Variants in PIP4K2A observed in about 807,000 individuals in gnomAD.
The protein encoded by PIP4K2A is phosphatidylinositol 5-phosphate 4-kinase type-2 alpha.
A neutral mutation model predicts 42.9 loss-of-function variants in PIP4K2A; 14 were observed. The observed-to-expected ratio is 0.33, with a 90% CI of 0.22 to 0.51. PIP4K2A has a LOEUF of 0.51. Among genes scored for constraint, PIP4K2A ranks in the 20% least tolerant of loss-of-function variants. The probability of loss-of-function intolerance (pLI) is 0.97; values close to 1 mark genes in which losing one functional copy is unlikely to be tolerated. For missense variants in PIP4K2A, 434 were observed against 519.8 expected, an observed-to-expected ratio of 0.83 and a Z score of 1.61; for synonymous variants, 192 against 192.2, an observed-to-expected ratio of 1.00 and a Z score of 0.01.
Position 22,630,971 on chromosome 10 carries a change from A to C in PIP4K2A, c.145-21254T>G, listed in dbSNP as rs559032157. ...TACTAATGGACAGGAACATGGCAAC[A>C]GGGACAAGAGAGTAGGTAGGAACTA... On this transcript the variant is annotated intron_variant, in intron 1 of 9. Transcript: ENST00000376573. Among the ~76,000 whole-genome samples, 29 of 152,328 alleles carry C rather than the reference A, an allele frequency of 1.9e-4. No individual in the cohort carries two copies. The South Asian group carries it at 4.4e-3, about 23-fold the overall frequency.
chr10:22,657,935 T>G (rs369249037), intron 1 of PIP4K2A, among the ~76,000 whole-genome samples: 1 of 152,246 alleles, frequency 6.6e-6, no homozygotes, highest in South Asian at 2.1e-4. Context: ...GAAATCATTT[T>G]TTAGCTGGAC....
chr10:22,652,668 T>C (rs950377956), intron 1 of PIP4K2A, among the ~76,000 whole-genome samples: 8 of 152,258 alleles, frequency 5.3e-5, no homozygotes, highest in Admixed American at 3.9e-4. Flanking sequence ...TCTGTCACTG[T>C]GTGGTAAATT....
intron 7 of PIP4K2A, among the ~76,000 whole-genome samples, chr10:22,544,205 T>C (rs1024079479): frequency 6.6e-6 from 1 of 152,062 alleles, no homozygotes; most frequent in African/African-American, 2.4e-5. Flanking sequence ...ACTGCTGTGA[T>C]CATGGAACCT....
At chr10:22,621,995 T>C (rs1448059480) in intron 1 of PIP4K2A, among the ~76,000 whole-genome samples, 1 of 152,216 alleles carries the variant, frequency 6.6e-6, no homozygotes, top group African/African-American at 2.4e-5. Flanking sequence ...CGGATTCCCA[T>C]TTTAAGAGAT....
intron 1 of PIP4K2A, among the ~76,000 whole-genome samples, chr10:22,644,684 T>C (rs1838846145): frequency 6.6e-6 from 1 of 152,214 alleles, no homozygotes; most frequent in East Asian, 1.9e-4. Context: ...ACTTACTTTG[T>C]TCATTTTTAA....
At chr10:22,625,479 T>C (rs1838418753) in intron 1 of PIP4K2A, among the ~76,000 whole-genome samples, 1 of 152,220 alleles carries the variant, frequency 6.6e-6, no homozygotes, top group Non-Finnish European at 1.5e-5. Flanking sequence ...TGATTTCACA[T>C]AAACACAGCT....
chr10:22,584,838 T>C (rs992843402), intron 4 of PIP4K2A, among the ~76,000 whole-genome samples: 5 of 152,144 alleles, frequency 3.3e-5, no homozygotes, highest in Admixed American at 3.3e-4. Flanking sequence ...ATCCAAGTAC[T>C]TTCCAAATTT....
intron 1 of PIP4K2A, among the ~76,000 whole-genome samples, chr10:22,690,917 G>T (rs1479370677): frequency 2.0e-5 from 3 of 152,172 alleles, no homozygotes; most frequent in Non-Finnish European, 4.4e-5. Flanking sequence ...GAGCAGTGGG[G>T]CATCAATTGG....
At chr10:22,681,506 T>G (rs1005548169) in intron 1 of PIP4K2A, among the ~76,000 whole-genome samples, 1 of 152,056 alleles carries the variant, frequency 6.6e-6, no homozygotes, top group Non-Finnish European at 1.5e-5. Context: ...AGACCTTGTC[T>G]CTTCAAAAAA....
intron 1 of PIP4K2A, among the ~76,000 whole-genome samples, chr10:22,684,084 A>G (rs2130885671): frequency 6.6e-6 from 1 of 152,008 alleles, no homozygotes; most frequent in South Asian, 2.1e-4. Context: ...CCCCCCTTAA[A>G]TGCATTACCT....
chr10:22,651,799 C>A (rs910211967), intron 1 of PIP4K2A, among the ~76,000 whole-genome samples: 1 of 152,192 alleles, frequency 6.6e-6, no homozygotes, highest in Non-Finnish European at 1.5e-5. Context: ...AGGACAGATG[C>A]GTGGGCGACC....
intron 1 of PIP4K2A, among the ~76,000 whole-genome samples, chr10:22,655,347 C>T (rs1355016158): frequency 6.6e-6 from 1 of 152,216 alleles, no homozygotes. Flanking sequence ...ATCTTCAGAG[C>T]TGGAGCCCTC....
Position 22,627,591 on chromosome 10 carries a change from T to TAA in PIP4K2A, c.145-17876_145-17875dup, listed in dbSNP as rs57671642. 5.6e-4 allele frequency among the ~76,000 whole-genome samples: 32 copies of TAA among 57,028 alleles called. 3 individuals are homozygous for TAA. Among genetic ancestry groups the TAA allele is most frequent in the East Asian group, 2.9e-3 (3 of 1,042 alleles). The allele number at this position is 57,028 out of a possible 152,430, so 37.4% of individuals were successfully genotyped here. A position where few individuals can be genotyped will look rare whatever the true frequency, so the allele number is the denominator to read the frequency against. On this transcript the variant is annotated intron_variant, in intron 1 of 9. Transcript: ENST00000376573. ...TGTTTAACCAAAAGCTAATATGTAATAAAAAAAAAAAAAAAAAAAAAAAAA... is the reference window on the plus strand; with the variant it reads ...TGTTTAACCAAAAGCTAATATGTAATAAAAAAAAAAAAAAAAAAAAAAAAAAA...
intron 6 of PIP4K2A, among the ~76,000 whole-genome samples, chr10:22,553,529 C>T (rs1836461377): frequency 6.6e-6 from 1 of 152,214 alleles, no homozygotes. Context: ...ACAACCTTAA[C>T]TATTATTCAC....
chr10:22,607,877 AT>A, intron 3 of PIP4K2A, 49 bp downstream of exon 3: 1 of 1,174,356 alleles, frequency 8.5e-7, no homozygotes, highest in Non-Finnish European at 1.3e-6. Flanking sequence ...AGCAAAAGTC[AT>A]GGCAAAACCC....
intron 1 of PIP4K2A, among the ~76,000 whole-genome samples, chr10:22,640,177 T>C (rs1305872381): frequency 6.6e-6 from 1 of 152,148 alleles, no homozygotes; most frequent in Non-Finnish European, 1.5e-5. Flanking sequence ...TACATGAAGC[T>C]CACTAGATTT....
rs1373400092 is a variant in PIP4K2A, at chr10:22,546,714, AACTTT to A, written c.792+3940_792+3944del. On this transcript the variant is annotated intron_variant, in intron 7 of 9. Coordinates refer to ENST00000376573, the MANE Select transcript of PIP4K2A (RefSeq NM_005028.5). ...GCATGAGCCACCACAACAGGCCTCA[AACTTT>A]ACTTTAAATCTGTTCTGAGGTAGAG... Among the ~76,000 whole-genome samples, 12 of 152,292 alleles carry A rather than the reference AACTTT, an allele frequency of 7.9e-5. No individual in the cohort carries two copies. In the East Asian group the frequency reaches 1.4e-3, roughly 17 times the overall value.
intron 3 of PIP4K2A, among the ~76,000 whole-genome samples, chr10:22,592,519 A>G (rs1405290132): frequency 6.6e-6 from 1 of 152,158 alleles, no homozygotes; most frequent in Non-Finnish European, 1.5e-5. Context: ...TCCACTCCCT[A>G]CCACCATTTT....
At chr10:22,626,264 A>G (rs997006125) in intron 1 of PIP4K2A, among the ~76,000 whole-genome samples, 1 of 151,932 alleles carries the variant, frequency 6.6e-6, no homozygotes, top group Admixed American at 6.5e-5. Flanking sequence ...GCTTAAAAAA[A>G]AAGAGTAACT....
Sources: gnomAD v4.1 joint callset for allele counts (sites outside exome capture counted in the v4.1 genomes callset) on GRCh38, gnomAD v4.1.1 for gene constraint, MANE v1.5 for transcripts, NCBI Gene and HGNC (gene_info 2026-07-23, HGNC 2026-07-21) for gene names.